Variants in NUDT12 observed in about 807,000 individuals in gnomAD.
NUDT12 encodes the protein nudix hydrolase 12.
In NUDT12, 42 loss-of-function variants were observed where a neutral mutation model predicts 45.7. The ratio of observed to expected loss-of-function variants is 0.92; its 90% CI spans 0.72 to 1.19. The LOEUF (loss-of-function observed/expected upper bound fraction) is 1.19. NUDT12 is among the 50% of genes most tolerant of loss of function. The pLI, the probability that NUDT12 is intolerant of heterozygous loss-of-function variation, is 0.00. For missense variants in NUDT12, 590 were observed against 533.1 expected, an observed-to-expected ratio of 1.11 and a Z score of -1.05; for synonymous variants, 206 against 179.7, an observed-to-expected ratio of 1.15 and a Z score of -1.17.
In NUDT12 at chr5:103,550,408, A is replaced by G. The variant is rs1322206191; in HGVS notation, c.*453T>C. 6.4e-6 allele frequency: 1 copy of G among 155,644 alleles called. No individual in the cohort carries two copies. Among genetic ancestry groups the G allele is most frequent in the African/African-American group, 2.4e-5 (1 of 41,460 alleles). 9.6% of individuals were successfully genotyped at this position (155,644 alleles called of 1,614,324 possible). ...ACTTAAAGGTAACAAAAGGACTAAA[A>G]AATCAATGCCAGCTAACTCAAGCTA... On this transcript the variant is annotated 3_prime_UTR_variant, in exon 7 of 7. Transcript: ENST00000230792.
At chr5:103,559,945 AC>A in intron 2 of NUDT12, 97 bp downstream of exon 2, 1 of 783,882 alleles carries the variant, frequency 1.3e-6, no homozygotes. Flanking sequence ...TAGTAGTTCA[AC>A]AATATAAATA....
At chr5:103,555,650 G>A (rs1748790209) in intron 4 of NUDT12, among the ~76,000 whole-genome samples, 1 of 151,878 alleles carries the variant, frequency 6.6e-6, no homozygotes, top group African/African-American at 2.4e-5. Flanking sequence ...TACTTAGTGG[G>A]GCTTTTTCTC....
intron 5 of NUDT12, chr5:103,554,466 A>T (rs1189095035): frequency 5.5e-6 from 1 of 182,184 alleles, no homozygotes; most frequent in African/African-American, 2.4e-5. Context: ...ATGAGGTGGA[A>T]CCTAGATACC....
rs1163753698 is a variant in NUDT12 at position 103,559,128 on chromosome 5, C to T, written c.547G>A (p.Asp183Asn). The change falls in exon 3 of 7, where the codon GAT (aspartate) becomes AAT (asparagine). Residue 183 changes from aspartate (D) to asparagine (N), a missense_variant. Physicochemically the swap from Asp to Asn is conservative, Grantham distance 23 (BLOSUM62 1). Coordinates refer to ENST00000230792, the MANE Select transcript of NUDT12 (RefSeq NM_031438.4). ...GGCTGGGCCAAATAATCCTTTATAT[C>T]TGTGTAGTTCAGCTGACAAAGCCTA... ...EVRLCQLNYT[D>N]IKDYLAQPEK... 1.3e-6 allele frequency: 2 copies of T among 1,588,346 alleles called. No individual in the cohort carries two copies. The highest frequency in any genetic ancestry group is 2.3e-5 in the South Asian group (2 of 85,932).
chr5:103,553,493 T>C (rs1173389704), intron 5 of NUDT12, among the ~76,000 whole-genome samples: 2 of 151,960 alleles, frequency 1.3e-5, no homozygotes, highest in African/African-American at 4.8e-5. Context: ...GGTGAAGATG[T>C]GGAATAATGG....
intron 3 of NUDT12, among the ~76,000 whole-genome samples, chr5:103,557,955 G>A (rs1440733445): frequency 1.3e-5 from 2 of 151,856 alleles, no homozygotes; most frequent in Admixed American, 6.6e-5. Context: ...ATGCCCAAAA[G>A]TAAACTCTTG....
In NUDT12 at chr5:103,558,916, A is replaced by G. The variant is rs944053134; in HGVS notation, c.759T>C (p.Pro253=). Residue 253 remains proline (P), a synonymous_variant, in exon 3 of 7, where the codon CCT becomes CCC. Transcript: ENST00000230792. ...CTTTCAATTGCAGAAGGGCTGGCATAGGAGGATGAAGAAAGTAACAATTTT... is the reference window on the plus strand; with the variant it reads ...CTTTCAATTGCAGAAGGGCTGGCATGGGAGGATGAAGAAAGTAACAATTTT... The part of the protein sequence containing the change: ...RHENCYFLHP[P]MPALLQLKEK... The G allele has an allele frequency of 4.4e-6, 7 of 1,605,738 alleles. No homozygotes were observed. The East Asian group carries it at 1.6e-4, about 36-fold the overall frequency.
chr5:103,559,310 C>T lies in NUDT12; in HGVS notation c.365G>A (p.Ser122Asn). The T allele has an allele frequency of 1.2e-6, 2 of 1,612,644 alleles. No homozygotes were observed. The highest frequency in any genetic ancestry group is 1.7e-6 in the Non-Finnish European group (2 of 1,179,452). ...NEVEECENYF[S>N]KTLLDRKSEK... ...ACTTTTCCGGTCCAGTAGTGTTTTG[C>T]TAAAATAATTTTCACATTCTTCCAC... Residue 122 changes from serine (S) to asparagine (N), a missense_variant, in exon 3 of 7, where the codon AGC (serine) becomes AAC (asparagine). Physicochemically the swap from Ser to Asn is conservative, Grantham distance 46. Transcript: ENST00000230792.
intron 1 of NUDT12, among the ~76,000 whole-genome samples, chr5:103,562,221 C>T (rs1749054171): frequency 6.6e-6 from 1 of 152,070 alleles, no homozygotes; most frequent in Admixed American, 6.5e-5. Flanking sequence ...CCATGACTTC[C>T]GCATGCTCAC....
chr5:103,555,227 C>T (rs1358474614), intron 4 of NUDT12, among the ~76,000 whole-genome samples: 1 of 151,712 alleles, frequency 6.6e-6, no homozygotes, highest in Non-Finnish European at 1.5e-5. Flanking sequence ...AGTTAATTTC[C>T]CTCTTCCATC....
chr5:103,560,149 G>T lies in NUDT12; in HGVS notation c.100C>A (p.His34Asn). Residue 34 changes from histidine (H) to asparagine (N), a missense_variant, in exon 2 of 7, where the codon CAT (histidine) becomes AAT (asparagine). Coordinates refer to ENST00000230792, the MANE Select transcript of NUDT12 (RefSeq NM_031438.4). Reference protein sequence around the residue: ...DIAKLTGILSHSPSLLNETSE... With the variant: ...DIAKLTGILSNSPSLLNETSE... ...GTTTCATTGAGAAGAGATGGAGAAT[G>T]ACTGAGTATTCCTGTTAACTTGGCA... is the stretch of plus-strand genomic sequence containing the variant. 6.2e-7 allele frequency: 1 copy of T among 1,613,342 alleles called. No individual in the cohort carries two copies. The highest frequency in any genetic ancestry group is 8.5e-7 in the Non-Finnish European group (1 of 1,179,310).
rs1198968705 is a variant in NUDT12, at chr5:103,559,006, T to C, written c.669A>G (p.Gly223=). The C allele has an allele frequency of 2.5e-6, 4 of 1,613,698 alleles. No homozygotes were observed. Among genetic ancestry groups the C allele is most frequent in the Non-Finnish European group, 3.4e-6 (4 of 1,179,750 alleles). The change falls in exon 3 of 7, where the codon GGA becomes GGG. Residue 223 remains glycine, a synonymous_variant. Transcript: ENST00000230792. ...AGEVPREEED[G]LVAWFALGID... is the part of the protein sequence containing the mutation. ...TACCTAGAGCAAACCAGGCAACCAA[T>C]CCATCTTCCTCCTCTCTCGGGACTT...
chr5:103,557,280 G>GGTATATATATAT lies in NUDT12; in HGVS notation c.797-1183_797-1182insATATATATATAC, dbSNP rs1491335747. On this transcript the variant is annotated intron_variant, in intron 3 of 6. Transcript: ENST00000230792. The stretch of plus-strand genomic sequence containing the variant: ...TATCAGATCTTTTTGATCTTAAAAT[G>GGTATATATATAT]ATATATATATATATATATATATATG... Among the ~76,000 whole-genome samples, 264 of 118,862 alleles carry GGTATATATATAT rather than the reference G, an allele frequency of 2.2e-3. 16 individuals carry two copies. Among genetic ancestry groups the GGTATATATATAT allele is most frequent in the East Asian group, 8.2e-3 (31 of 3,798 alleles). The allele number at this position is 118,862 out of a possible 152,430, so 78.0% of individuals were successfully genotyped here.
intron 1 of NUDT12, among the ~76,000 whole-genome samples, chr5:103,560,613 A>G (rs1161666173): frequency 6.6e-6 from 1 of 152,048 alleles, no homozygotes; most frequent in East Asian, 1.9e-4. Flanking sequence ...TGAGGGGGAG[A>G]GCATTAAAAC....
chr5:103,560,155 G>C lies in NUDT12; in HGVS notation c.94C>G (p.Leu32Val). The change falls in exon 2 of 7, where the codon CTC becomes GTC. Residue 32 changes from leucine to valine, a missense_variant. Physicochemically the swap from Leu to Val is conservative, Grantham distance 32 (BLOSUM62 1). Transcript: ENST00000230792. The part of the protein sequence containing the change: ...EGDIAKLTGI[L>V]SHSPSLLNET... Reference sequence around the variant, plus strand: ...TTGAGAAGAGATGGAGAATGACTGAGTATTCCTGTTAACTTGGCAATATCT... The same window carrying C: ...TTGAGAAGAGATGGAGAATGACTGACTATTCCTGTTAACTTGGCAATATCT... 6.2e-7 allele frequency: 1 copy of C among 1,613,520 alleles called. No homozygotes were observed. The highest frequency in any genetic ancestry group is 8.5e-7 in the Non-Finnish European group (1 of 1,179,462).
At chr5:103,554,875 T>A in intron 4 of NUDT12, 22 bp from the exon 5 acceptor site, 1 of 1,047,670 alleles carries the variant, frequency 9.5e-7, no homozygotes, top group Non-Finnish European at 1.4e-6. Flanking sequence ...AAAAATCAGA[T>A]ACATGAATGG....
Position 103,555,958 on chromosome 5 carries a change from C to A in NUDT12, c.937G>T (p.Val313Phe), listed in dbSNP as rs376989086. The A allele has an allele frequency of 6.2e-7, 1 of 1,602,474 alleles. No individual in the cohort carries two copies. Among genetic ancestry groups the A allele is most frequent in the Non-Finnish European group, 8.5e-7 (1 of 1,174,132 alleles). ...LKEDCPSLNG[V>F]HNTSYPRVDP... is the part of the protein sequence containing the mutation. ...ACTCTTGGGTATGAGGTATTATGGA[C>A]GCCATTGAGACTAGGACAGTCTTCT... is the stretch of plus-strand genomic sequence containing the variant. Residue 313 changes from valine to phenylalanine, a missense_variant, in exon 4 of 7, where the codon GTC becomes TTC. Physicochemically the swap from Val to Phe is conservative, Grantham distance 50 (BLOSUM62 -1). Coordinates refer to ENST00000230792, the MANE Select transcript of NUDT12 (RefSeq NM_031438.4).
rs201807339 is a variant in NUDT12 at position 103,558,975 on chromosome 5, G to A, written c.700C>T (p.Pro234Ser). The change falls in exon 3 of 7, where the codon CCT becomes TCT. Residue 234 changes from proline to serine, a missense_variant. Pro to Ser is a moderately conservative substitution (Grantham distance 74). Coordinates refer to ENST00000230792, the MANE Select transcript of NUDT12 (RefSeq NM_031438.4). ...TGCTTGAATTCTTCAGCAGCAATAG[G>A]ATCTATACCTAGAGCAAACCAGGCA... ...LVAWFALGID[P>S]IAAEEFKQRH... is the part of the protein sequence containing the mutation. 1.1e-5 allele frequency: 18 copies of A among 1,613,504 alleles called. No homozygotes were observed. In the East Asian group the frequency reaches 4.0e-4, roughly 36 times the overall value.
At chr5:103,552,807 C>T (rs1434281035) in intron 5 of NUDT12, among the ~76,000 whole-genome samples, 1 of 152,100 alleles carries the variant, frequency 6.6e-6, no homozygotes, top group Non-Finnish European at 1.5e-5. Context: ...CTCTTTCACA[C>T]TAAAATTCTG....
Sources: allele counts gnomAD v4.1 joint callset (sites outside exome capture counted in the v4.1 genomes callset), GRCh38; gene constraint gnomAD v4.1.1; transcripts MANE v1.5; gene names NCBI Gene and HGNC (gene_info 2026-07-23, HGNC 2026-07-21).